SPECC1: variants seen among roughly 807,000 people sequenced by gnomAD.
The protein encoded by SPECC1 is sperm antigen with calponin homology and coiled-coil domains 1.
SPECC1 carries 62 observed loss-of-function variants against 104.1 expected under a neutral mutation model. The ratio of observed to expected loss-of-function variants is 0.60; its 90% confidence interval spans 0.49 to 0.74. SPECC1 has a LOEUF of 0.74. Among genes scored for constraint, SPECC1 ranks in the 30% least tolerant of loss-of-function variants. SPECC1 has a pLI of 0.00. For missense variants in SPECC1, 1,306 were observed against 1,310.5 expected (o/e 1.00, Z 0.05); for synonymous variants, 513 against 501.6 (o/e 1.02, Z -0.30).
At chr17:20,140,032 C>T (rs2030570973) in intron 3 of SPECC1, among the ~76,000 whole-genome samples, 1 of 152,150 alleles carries the variant, frequency 6.6e-6, no homozygotes, top group African/African-American at 2.4e-5. Context: ...ATCTCTTACC[C>T]AAAGCACAGT....
chr17:20,241,037 G>A (rs1399584328), intron 7 of SPECC1, among the ~76,000 whole-genome samples: 1 of 152,240 alleles, frequency 6.6e-6, no homozygotes, highest in African/African-American at 2.4e-5. Flanking sequence ...GTCCGTGTCT[G>A]AATTCTGCTC....
At position 20,024,012 on chromosome 17, in the gene SPECC1, A is replaced by G. The variant is rs111651866; in HGVS notation, c.-22+14588A>G. On this transcript the variant is annotated intron_variant, in intron 1 of 14. Transcript: ENST00000395527. ...CTAAATAGCAAAAGGAGGTCAGCAG[A>G]ATATTAAAAGAGCAATACACTTTGA... Among the ~76,000 whole-genome samples, 1,305 of 152,336 alleles carry G rather than the reference A, an allele frequency of 8.6e-3. 11 individuals are homozygous for G. Among genetic ancestry groups the G allele is most frequent in the African/African-American group, 0.029 (1,212 of 41,572 alleles).
chr17:20,260,642 A>C (rs1459953204), intron 12 of SPECC1, among the ~76,000 whole-genome samples: 2 of 152,228 alleles, frequency 1.3e-5, no homozygotes, highest in Non-Finnish European at 2.9e-5. Flanking sequence ...TGAGGCCAAA[A>C]GAGTTTTCTC....
At chr17:20,093,744 T>C (rs2047515248) in intron 1 of SPECC1, among the ~76,000 whole-genome samples, 1 of 115,944 alleles carries the variant, frequency 8.6e-6, no homozygotes, top group Non-Finnish European at 2.0e-5. Flanking sequence ...TTTTTTTTTT[T>C]TTTGGAGATG....
At chr17:20,170,753 T>C (rs2034026456) in intron 3 of SPECC1, among the ~76,000 whole-genome samples, 1 of 152,230 alleles carries the variant, frequency 6.6e-6, no homozygotes, top group Admixed American at 6.5e-5. Context: ...CATTTCCAAC[T>C]TCCTGTTCCA....
chr17:20,253,653 C>T (rs565749990), intron 10 of SPECC1, 67 bp downstream of exon 10: 1 of 1,419,770 alleles, frequency 7.0e-7, no homozygotes, highest in South Asian at 1.2e-5. Context: ...CTTCATTTCT[C>T]TGCATGAAAC....
chr17:20,200,389 G>A (rs1194828146), intron 3 of SPECC1, among the ~76,000 whole-genome samples: 1 of 152,166 alleles, frequency 6.6e-6, no homozygotes, highest in Non-Finnish European at 1.5e-5. Context: ...TCTTCTTTAT[G>A]ATTGTGTTAA....
At chr17:20,158,701 C>T (rs1223097277) in intron 3 of SPECC1, among the ~76,000 whole-genome samples, 1 of 152,232 alleles carries the variant, frequency 6.6e-6, no homozygotes, top group African/African-American at 2.4e-5. Flanking sequence ...GTGGTGCCAA[C>T]AGCTGGAAGC....
At chr17:20,094,948 T>G (rs2047574560) in intron 1 of SPECC1, among the ~76,000 whole-genome samples, 1 of 152,242 alleles carries the variant, frequency 6.6e-6, no homozygotes, top group African/African-American at 2.4e-5. Flanking sequence ...AAAGGGTGTC[T>G]TGATTAAACA....
intron 3 of SPECC1, among the ~76,000 whole-genome samples, chr17:20,122,693 G>C (rs993102271): frequency 1.4e-4 from 21 of 152,038 alleles, no homozygotes; most frequent in African/African-American, 4.6e-4. Flanking sequence ...CTCTGAATCT[G>C]ACTGCTCTCA....
chr17:20,036,475 T>C (rs1238888183), intron 1 of SPECC1, among the ~76,000 whole-genome samples: 2 of 152,230 alleles, frequency 1.3e-5, no homozygotes, highest in Non-Finnish European at 2.9e-5. Flanking sequence ...TGTGTATTTA[T>C]CATGTACAAC....
At chr17:20,013,770 TGA>T (rs72279834) in intron 1 of SPECC1, among the ~76,000 whole-genome samples, 10,501 of 152,240 alleles carry the variant, frequency 0.069, 978 homozygotes, top group African/African-American at 0.21. Context: ...CCCAAAGTGC[TGA>T]GATTACAGGC....
At chr17:20,263,752 A>C (rs1598105814) in intron 12 of SPECC1, among the ~76,000 whole-genome samples, 1 of 152,192 alleles carries the variant, frequency 6.6e-6, no homozygotes, top group African/African-American at 2.4e-5. Flanking sequence ...GCCAGAGTGC[A>C]TATGAAAAGA....
At chr17:20,196,359 G>A (rs1485429274) in intron 3 of SPECC1, among the ~76,000 whole-genome samples, 1 of 152,210 alleles carries the variant, frequency 6.6e-6, no homozygotes, top group Non-Finnish European at 1.5e-5. Flanking sequence ...GGACACGCCA[G>A]GCAGAAGTGC....
intron 1 of SPECC1, among the ~76,000 whole-genome samples, chr17:20,015,006 C>G (rs572139123): frequency 2.0e-5 from 3 of 152,202 alleles, no homozygotes; most frequent in African/African-American, 7.2e-5. Flanking sequence ...CCACCTGCCT[C>G]GGCCTCCCAA....
At chr17:20,230,508 C>CTGTT (rs112408647) in intron 5 of SPECC1, among the ~76,000 whole-genome samples, 1 of 151,274 alleles carries the variant, frequency 6.6e-6, no homozygotes, top group Non-Finnish European at 1.5e-5. Context: ...AAGACAAGTT[C>CTGTT]TGTTTTGTTT....
In SPECC1 at chr17:20,292,343, T is replaced by TG. The variant is rs58735456; in HGVS notation, c.2941-4609dup. ...CCGCCTGTTTTTTCATCTTTTTTTT[T>TG]GGGGGGGGGACGGAGTTAATCTCTG... On this transcript the variant is annotated intron_variant, in intron 12 of 14. Transcript: ENST00000395527. Among the ~76,000 whole-genome samples the TG allele has an allele frequency of 6.4e-3, 958 of 150,368 alleles. 27 individuals are homozygous for TG. The East Asian group carries it at 0.097, about 15-fold the overall frequency.
At chr17:20,071,100 T>C (rs2046534923) in intron 1 of SPECC1, among the ~76,000 whole-genome samples, 1 of 152,100 alleles carries the variant, frequency 6.6e-6, no homozygotes, top group African/African-American at 2.4e-5. Flanking sequence ...AGCACAATCA[T>C]AGTGCGCTAC....
intron 12 of SPECC1, among the ~76,000 whole-genome samples, chr17:20,277,503 G>A (rs115864470): frequency 2.6e-5 from 4 of 152,182 alleles, no homozygotes; most frequent in Admixed American, 1.3e-4. Context: ...TGGGGAAGAG[G>A]GGGTGTGGTC....
Sources: gnomAD v4.1 joint callset for allele counts (sites outside exome capture counted in the v4.1 genomes callset) on GRCh38, gnomAD v4.1.1 for gene constraint, MANE v1.5 for transcripts, NCBI Gene and HGNC (gene_info 2026-07-23, HGNC 2026-07-21) for gene names.